Variants in DNAH10 observed in about 807,000 individuals in gnomAD.
DNAH10 encodes axonemal beta dynein heavy chain 10.
DNAH10 carries 348 observed loss-of-function variants against 506.6 expected under a neutral mutation model. The ratio of observed to expected loss-of-function variants is 0.69; its 90% confidence interval spans 0.63 to 0.75. The LOEUF is 0.75. Ranked by LOEUF, DNAH10 falls within the 30% of genes least tolerant of loss-of-function variation. The probability of loss-of-function intolerance (pLI) is 0.00; values close to 1 mark genes in which losing one functional copy is unlikely to be tolerated. For missense variants in DNAH10, 5,179 were observed against 5,787.1 expected (o/e 0.89, Z 3.41); for synonymous variants, 2,059 against 2,198.6 (o/e 0.94, Z 1.78).
At chr12:123,763,587 A>G (rs553885254) in intron 1 of DNAH10, among the ~76,000 whole-genome samples, 2 of 134,186 alleles carry the variant, frequency 1.5e-5, no homozygotes, top group African/African-American at 2.9e-5. Context: ...TTTTTGAGAT[A>G]GGGTCTCACT....
Position 123,804,874 on chromosome 12 carries a change from A to G in DNAH10, c.2821A>G (p.Ser941Gly). The part of the protein sequence containing the change: ...FFEHIERERA[S>G]DVDHMVRWYL... ...TGAACACATTGAGCGAGAAAGGGCC[A>G]GCGACGTGGACCACATGGTCCGGTG... The change falls in exon 18 of 79, where the codon AGC becomes GGC. Residue 941 changes from serine (S) to glycine (G), a missense_variant. Transcript: ENST00000673944. 1 of 1,613,086 alleles carries G rather than the reference A, an allele frequency of 6.2e-7. No individual in the cohort carries two copies. Among genetic ancestry groups the G allele is most frequent in the Non-Finnish European group, 8.5e-7 (1 of 1,179,950 alleles).
intron 2 of DNAH10, among the ~76,000 whole-genome samples, chr12:123,771,021 C>G (rs1268507035): frequency 1.4e-5 from 2 of 139,962 alleles, no homozygotes; most frequent in East Asian, 4.3e-4. Flanking sequence ...GCCACCCAGG[C>G]TGCAGTGGCA....
intron 64 of DNAH10, 26 bp from the exon 65 acceptor site, chr12:123,918,650 C>T (rs753579552): frequency 6.5e-7 from 1 of 1,531,912 alleles, no homozygotes; most frequent in East Asian, 2.3e-5. Flanking sequence ...CTTCCTGTTT[C>T]CAGGGTCACC....
chr12:123,815,550 A>T (rs1959114951), intron 21 of DNAH10, among the ~76,000 whole-genome samples: 1 of 152,118 alleles, frequency 6.6e-6, no homozygotes, highest in South Asian at 2.1e-4. Context: ...ACGAGGCTGG[A>T]TGAAAGGGGA....
chr12:123,847,821 C>A, intron 32 of DNAH10, 140 bp from the exon 33 acceptor site: 1 of 1,154,308 alleles, frequency 8.7e-7, no homozygotes, highest in Non-Finnish European at 1.2e-6. Flanking sequence ...CATCCTGTGG[C>A]CCAGTCAAGT....
intron 51 of DNAH10, among the ~76,000 whole-genome samples, chr12:123,885,486 A>T (rs529707096): frequency 6.6e-6 from 1 of 151,894 alleles, no homozygotes; most frequent in East Asian, 1.9e-4. Flanking sequence ...TTTTCCCTAT[A>T]GGATCACTTT....
intron 1 of DNAH10, among the ~76,000 whole-genome samples, chr12:123,765,564 T>TATCTATCTATC (rs1555302003): frequency 1.3e-5 from 2 of 149,296 alleles, no homozygotes; most frequent in South Asian, 2.1e-4. Flanking sequence ...TATCTATACT[T>TATCTATCTATC]TATCTATCTA....
At position 123,929,388 on chromosome 12, in the gene DNAH10, C is replaced by T. The variant is rs772031185; in HGVS notation, c.12420C>T (p.Tyr4140=). ...CPHPAFKPLV[Y]VLAFFHAVVQ... is the part of the protein sequence containing the mutation. ...ACCCTGCCTTCAAGCCGCTGGTCTA[C>T]GTGCTGGCGTTCTTTCATGCTGTGG... Residue 4140 remains tyrosine (Y), a synonymous_variant, in exon 71 of 79, where the codon TAC becomes TAT. Coordinates refer to ENST00000673944, the MANE Select transcript of DNAH10 (RefSeq NM_001372106.1). The T allele has an allele frequency of 1.1e-5, 18 of 1,613,162 alleles. No individual in the cohort carries two copies. In the African/African-American group the frequency reaches 2.0e-4, roughly 18 times the overall value.
chr12:123,886,480 CGTGTGTGTGCACACGT>C (rs1291778433), intron 51 of DNAH10, among the ~76,000 whole-genome samples: 6 of 151,628 alleles, frequency 4.0e-5, no homozygotes, highest in South Asian at 2.1e-4. Context: ...CGCGCGCGCG[CGTGTGTGTGCACACGT>C]GTGTGTGTGT....
At chr12:123,922,072 T>A (rs1453437933) in intron 65 of DNAH10, among the ~76,000 whole-genome samples, 1 of 151,820 alleles carries the variant, frequency 6.6e-6, no homozygotes, top group Non-Finnish European at 1.5e-5. Context: ...AGCTTATACC[T>A]TTTTAAAAAA....
chr12:123,898,337 A>G (rs1049091364), intron 55 of DNAH10, among the ~76,000 whole-genome samples: 1 of 152,120 alleles, frequency 6.6e-6, no homozygotes, highest in African/African-American at 2.4e-5. Flanking sequence ...CAGCCTCCTG[A>G]GTAGCTGGGA....
chr12:123,798,072 T>C (rs1004791831), intron 13 of DNAH10, among the ~76,000 whole-genome samples: 2 of 152,242 alleles, frequency 1.3e-5, no homozygotes, highest in African/African-American at 4.8e-5. Flanking sequence ...ATTATTATTC[T>C]TTTGATTTCT....
rs1442917311 is a variant in DNAH10, at chr12:123,812,599, G to GT, written c.3145-558dup. Among the ~76,000 whole-genome samples, 5 of 152,166 alleles carry GT rather than the reference G, an allele frequency of 3.3e-5. No homozygotes were observed. In the South Asian group the frequency reaches 6.2e-4, roughly 19 times the overall value. ...TTCCTCTGTAAATATGGAAATAAAA[G>GT]TTTTTTTAATTCATCCATGGTGTAG... On this transcript the variant is annotated intron_variant, in intron 19 of 78. Transcript: ENST00000673944.
chr12:123,896,138 CACACACACACAGAG>C (rs1435356397), intron 54 of DNAH10, among the ~76,000 whole-genome samples: 5 of 114,168 alleles, frequency 4.4e-5, no homozygotes, highest in Middle Eastern at 3.5e-3. Context: ...CACACACACA[CACACACACACAGAG>C]AGAGAGAGAG....
chr12:123,931,844 A>C lies in DNAH10; in HGVS notation c.13125A>C (p.Gln4375His), dbSNP rs551591410. The C allele has an allele frequency of 6.2e-7, 1 of 1,613,964 alleles. No homozygotes were observed. The highest frequency in any genetic ancestry group is 1.1e-5 in the South Asian group (1 of 91,078). The change falls in exon 75 of 79, where the codon CAA becomes CAC. Residue 4375 changes from glutamine (Q) to histidine (H), a missense_variant. Physicochemically the swap from Gln to His is conservative, Grantham distance 24. Around this residue, in one of 3 missense-constraint regions of DNAH10, gnomAD observed 4,844 missense variants for 5,430.5 expected, o/e 0.89. Transcript: ENST00000673944. ...VRMTKSLAEL[Q>H]RALAGEVGMS... Reference sequence around the variant, plus strand: ...TGACGAAGTCTCTGGCTGAACTTCAAAGGGTGAGCCTGTCTCTCATGTGCA... The same window carrying C: ...TGACGAAGTCTCTGGCTGAACTTCACAGGGTGAGCCTGTCTCTCATGTGCA...
intron 12 of DNAH10, among the ~76,000 whole-genome samples, chr12:123,795,264 G>A (rs1034845966): frequency 7.2e-5 from 11 of 152,134 alleles, no homozygotes; most frequent in Non-Finnish European, 1.3e-4. Context: ...GCCTAAGGTG[G>A]TCTCCTGATG....
intron 36 of DNAH10, among the ~76,000 whole-genome samples, chr12:123,854,716 T>C (rs1219964376): frequency 3.3e-5 from 5 of 152,262 alleles, no homozygotes; most frequent in African/African-American, 1.2e-4. Flanking sequence ...TTAACTTTGC[T>C]GTATTGTCTT....
At chr12:123,856,219 T>C (rs1951383300) in intron 36 of DNAH10, among the ~76,000 whole-genome samples, 3 of 147,716 alleles carry the variant, frequency 2.0e-5, no homozygotes, top group Admixed American at 6.8e-5. Context: ...TTAATTTATA[T>C]AAAATTGTAA....
rs539313655 is a variant in DNAH10 at position 123,796,764 on chromosome 12, C to T, written c.2095C>T (p.Arg699Trp). Residue 699 changes from arginine (R) to tryptophan (W), a missense_variant, in exon 13 of 79, where the codon CGG becomes TGG. Around this residue, in one of 3 missense-constraint regions of DNAH10, gnomAD observed 4,844 missense variants for 5,430.5 expected, o/e 0.89. Coordinates refer to ENST00000673944, the MANE Select transcript of DNAH10 (RefSeq NM_001372106.1). Reference sequence around the variant, plus strand: ...ATACTGGGAACGATCTCTGTTCTTTCGGATTAAGCATACCATCCTCCGATT... The same window carrying T: ...ATACTGGGAACGATCTCTGTTCTTTTGGATTAAGCATACCATCCTCCGATT... ...AIYWERSLFFRIKHTILRFQE... is the reference protein window; with the variant it reads ...AIYWERSLFFWIKHTILRFQE... 2.2e-5 allele frequency: 35 copies of T among 1,614,064 alleles called. No homozygotes were observed. Among genetic ancestry groups the T allele is most frequent in the East Asian group, 6.7e-5 (3 of 44,882 alleles).
Sources: gnomAD v4.1 joint callset for allele counts (sites outside exome capture counted in the v4.1 genomes callset) on GRCh38, gnomAD v4.1.1 for gene constraint, gnomAD v4.1.1 regional missense constraint, MANE v1.5 for transcripts, NCBI Gene and HGNC (gene_info 2026-07-23, HGNC 2026-07-21) for gene names.